CRACD: variants seen among roughly 807,000 people sequenced by gnomAD.
The protein encoded by CRACD is capping protein inhibiting regulator of actin dynamics.
In CRACD, 56 loss-of-function variants were observed where a neutral mutation model predicts 106.8. The ratio of observed to expected loss-of-function variants is 0.52; its 90% CI spans 0.42 to 0.66. CRACD has a LOEUF of 0.66. Ranked by LOEUF, CRACD falls within the 30% of genes least tolerant of loss-of-function variation. The pLI, the probability that CRACD is intolerant of heterozygous loss-of-function variation, is 0.00. For missense variants in CRACD, 1,730 were observed against 1,623.2 expected, an observed-to-expected ratio of 1.07 and a Z score of -1.13; for synonymous variants, 754 against 670.8, an observed-to-expected ratio of 1.12 and a Z score of -1.92.
rs556413280 is a variant in CRACD at position 56,314,379 on chromosome 4, C to T, written c.877C>T (p.Arg293Trp). 2.2e-5 allele frequency: 33 copies of T among 1,509,480 alleles called. No individual in the cohort carries two copies. The East Asian group carries it at 5.9e-4, about 27-fold the overall frequency. 93.5% of individuals were successfully genotyped at this position (1,509,480 alleles called of 1,614,324 possible). ...AAGGGCGCCGCGGGAAGAGCAGCAG[C>T]GGAGCCTGGAAGCGCCAGGTTGGGA... ...AERAPREEQQ[R>W]SLEAPGWEDA... The change falls in exon 8 of 11, where the codon CGG (arginine) becomes TGG (tryptophan). Residue 293 changes from arginine (R) to tryptophan (W), a missense_variant. Arg to Trp is a moderately radical substitution (Grantham distance 101). This residue lies in a region of CRACD where 1,620 missense variants were observed against 1,481.6 expected (regional missense o/e 1.09). Transcript: ENST00000682029. This position sits in a 1 kb window ranked among gnomAD's most constrained non-coding sequence, Gnocchi z 4.4.
intron 2 of CRACD, among the ~76,000 whole-genome samples, chr4:56,207,613 T>G (rs1738188386): frequency 1.3e-5 from 2 of 151,650 alleles, no homozygotes; most frequent in Non-Finnish European, 2.9e-5. Context: ...AAAAGTATAA[T>G]CCATGAGTAC....
At chr4:56,079,356 A>T (rs1195757173) in intron 1 of CRACD, among the ~76,000 whole-genome samples, 1 of 151,832 alleles carries the variant, frequency 6.6e-6, no homozygotes, top group Non-Finnish European at 1.5e-5. Context: ...TTGAATCATC[A>T]TTCTGTATTT....
rs939706481 is a variant in CRACD at position 56,216,569 on chromosome 4, G to GGT, written c.-189+37153_-189+37154dup. On this transcript the variant is annotated intron_variant, in intron 2 of 10. Coordinates refer to ENST00000682029, the MANE Select transcript of CRACD (RefSeq NM_001393381.1). ...AAATAGAGGGATACACTCTCTGTGG[G>GGT]GTGTGTGTGTGTGTGACTGTGTTCC... Among the ~76,000 whole-genome samples the GGT allele has an allele frequency of 9.9e-5, 15 of 151,610 alleles. No homozygotes were observed. The East Asian group carries it at 2.3e-3, about 23-fold the overall frequency.
At chr4:56,233,045 G>A (rs1338974926) in intron 2 of CRACD, among the ~76,000 whole-genome samples, 1 of 151,940 alleles carries the variant, frequency 6.6e-6, no homozygotes, top group African/African-American at 2.4e-5. Flanking sequence ...TAGTTTTGCA[G>A]AACATTTTTT....
intron 1 of CRACD, among the ~76,000 whole-genome samples, chr4:56,125,927 A>G (rs1734648371): frequency 6.6e-6 from 1 of 151,732 alleles, no homozygotes. Flanking sequence ...GCGTGCCACC[A>G]CACCTGGCTG....
chr4:56,081,029 AT>A (rs986145939), intron 1 of CRACD, among the ~76,000 whole-genome samples: 1 of 151,920 alleles, frequency 6.6e-6, no homozygotes, highest in Non-Finnish European at 1.5e-5. Flanking sequence ...TTATTACTAA[AT>A]TTTTTTTGTA....
chr4:56,189,262 TAA>T (rs898933347), intron 2 of CRACD, among the ~76,000 whole-genome samples: 9 of 152,022 alleles, frequency 5.9e-5, no homozygotes, highest in African/African-American at 1.9e-4. Flanking sequence ...TCAGGCTAGA[TAA>T]ATATATGCAA....
intron 1 of CRACD, among the ~76,000 whole-genome samples, chr4:56,079,158 C>T (rs1732940809): frequency 6.6e-6 from 1 of 152,074 alleles, no homozygotes; most frequent in Non-Finnish European, 1.5e-5. Context: ...TTAAAGGCAC[C>T]ATGCTGTCCC....
chr4:56,283,739 GTTTC>G (rs1743166677), intron 3 of CRACD, among the ~76,000 whole-genome samples: 1 of 152,134 alleles, frequency 6.6e-6, no homozygotes, highest in Non-Finnish European at 1.5e-5. Context: ...CTGCAGTCTG[GTTTC>G]TTTTGTTCTG....
chr4:56,141,662 A>G (rs1204924102), intron 1 of CRACD, among the ~76,000 whole-genome samples: 1 of 147,274 alleles, frequency 6.8e-6, no homozygotes. Context: ...AAAAGTAAGT[A>G]TCTAAACTAA....
At chr4:56,110,297 A>G (rs1377160207) in intron 1 of CRACD, among the ~76,000 whole-genome samples, 1 of 152,212 alleles carries the variant, frequency 6.6e-6, no homozygotes, top group Non-Finnish European at 1.5e-5. Context: ...TGGAAGAAGT[A>G]TGTTTTCACA....
At chr4:56,126,214 G>A (rs145990481) in intron 1 of CRACD, among the ~76,000 whole-genome samples, 13 of 152,102 alleles carry the variant, frequency 8.5e-5, no homozygotes, top group Non-Finnish European at 1.6e-4. Context: ...AGGCTACCTC[G>A]TATCTTTCCT....
Position 56,323,359 on chromosome 4 carries a change from T to G in CRACD, c.3188-18T>G. On this transcript the variant is annotated intron_variant, in intron 8 of 10. Coordinates refer to ENST00000682029, the MANE Select transcript of CRACD (RefSeq NM_001393381.1). ...AGTTAAGTTCATTGCAAACCGTTCT[T>G]TGTCTTATTCCCCACAGAGAAGCCG... 1 of 1,583,548 alleles carries G rather than the reference T, an allele frequency of 6.3e-7. No individual in the cohort carries two copies. Among genetic ancestry groups the G allele is most frequent in the East Asian group, 2.3e-5 (1 of 44,316 alleles).
intron 8 of CRACD, among the ~76,000 whole-genome samples, chr4:56,323,160 C>T (rs1268532820): frequency 6.6e-6 from 1 of 152,158 alleles, no homozygotes; most frequent in Non-Finnish European, 1.5e-5. Context: ...TCTTCCATTT[C>T]TAGGGAAGAC....
chr4:56,314,558 A>G lies in CRACD; in HGVS notation c.1056A>G (p.Gly352=). ...GGAGGCGGCAGGAGGAGGAGGAAGG[A>G]AGATGCGCGGAGGAGCTCAAAAGGC... ...EERRRQEEEE[G]RCAEELKRQE... Residue 352 remains glycine, a synonymous_variant, in exon 8 of 11, where the codon GGA becomes GGG. Transcript: ENST00000682029. This position sits in a 1 kb window ranked among gnomAD's most constrained non-coding sequence, Gnocchi z 4.4. 1 of 1,508,226 alleles carries G rather than the reference A, an allele frequency of 6.6e-7. No individual in the cohort carries two copies. The highest frequency in any genetic ancestry group is 1.3e-5 in the South Asian group (1 of 77,374). The allele number at this position is 1,508,226 out of a possible 1,614,324, so 93.4% of individuals were successfully genotyped here. A position where few individuals can be genotyped will look rare whatever the true frequency, so the allele number is the denominator to read the frequency against.
intron 2 of CRACD, among the ~76,000 whole-genome samples, chr4:56,201,140 G>A (rs974719897): frequency 3.9e-5 from 6 of 152,224 alleles, no homozygotes; most frequent in South Asian, 2.1e-4. Flanking sequence ...TCTTATGAGC[G>A]TCTTTGGCTC....
intron 2 of CRACD, among the ~76,000 whole-genome samples, chr4:56,186,994 A>G (rs1737118406): frequency 1.3e-5 from 2 of 151,430 alleles, no homozygotes; most frequent in South Asian, 2.1e-4. Flanking sequence ...GCTTGAGCTT[A>G]GAGGGTTGAG....
At chr4:56,302,100 C>T (rs1744402004) in intron 4 of CRACD, among the ~76,000 whole-genome samples, 1 of 152,170 alleles carries the variant, frequency 6.6e-6, no homozygotes. Context: ...ACCTCTCTGG[C>T]ACTTTCTCCT....
At chr4:56,302,445 C>T (rs1397384919) in intron 4 of CRACD, among the ~76,000 whole-genome samples, 1 of 152,130 alleles carries the variant, frequency 6.6e-6, no homozygotes, top group Non-Finnish European at 1.5e-5. Flanking sequence ...TCTGTTTGTA[C>T]CACGGATTAT....
Sources: gnomAD v4.1 joint callset for allele counts (sites outside exome capture counted in the v4.1 genomes callset) on GRCh38, gnomAD v4.1.1 for gene constraint, gnomAD v4.1.1 regional missense constraint, Gnocchi (gnomAD v3.1) non-coding constraint, MANE v1.5 for transcripts, NCBI Gene and HGNC (gene_info 2026-07-23, HGNC 2026-07-21) for gene names.